Variants in CTNND2 observed in about 807,000 individuals in gnomAD.
CTNND2 encodes catenin delta 2, also known as catenin delta-2.
Under a neutral mutation model 144.4 loss-of-function variants are expected in CTNND2, and 22 were observed. The ratio of observed to expected loss-of-function variants is 0.15; its 90% confidence interval spans 0.11 to 0.22. The LOEUF is 0.22. CTNND2 is among the 10% of genes least tolerant of loss of function. The pLI is 1.00. For missense variants in CTNND2, 1,353 were observed against 1,618.8 expected, an observed-to-expected ratio of 0.84 and a Z score of 2.82; for synonymous variants, 751 against 695.6, an observed-to-expected ratio of 1.08 and a Z score of -1.25.
intron 11 of CTNND2, among the ~76,000 whole-genome samples, chr5:11,163,256 G>A (rs1758974341): frequency 6.6e-6 from 1 of 152,234 alleles, no homozygotes; most frequent in African/African-American, 2.4e-5. Context: ...GTTATTTGAG[G>A]GGAAGCCAAT....
intron 3 of CTNND2, among the ~76,000 whole-genome samples, chr5:11,476,165 C>A (rs982486517): frequency 1.3e-5 from 2 of 151,944 alleles, no homozygotes; most frequent in Non-Finnish European, 2.9e-5. Context: ...ACCACTGCAC[C>A]CAGCCGGGAC....
At chr5:11,541,751 A>G (rs1001955086) in intron 3 of CTNND2, among the ~76,000 whole-genome samples, 2 of 152,002 alleles carry the variant, frequency 1.3e-5, no homozygotes, top group Admixed American at 6.5e-5. Context: ...ATCCAAATGC[A>G]TATCAGACCC....
At chr5:11,436,216 T>C (rs1453095931) in intron 3 of CTNND2, among the ~76,000 whole-genome samples, 2 of 151,884 alleles carry the variant, frequency 1.3e-5, no homozygotes, top group Non-Finnish European at 2.9e-5. Context: ...GGGAGAAAGA[T>C]TCACCCATTA....
intron 14 of CTNND2, among the ~76,000 whole-genome samples, chr5:11,103,117 G>T (rs1471056589): frequency 6.6e-6 from 1 of 151,402 alleles, no homozygotes; most frequent in Non-Finnish European, 1.5e-5. Flanking sequence ...GAGTAGCTGG[G>T]ATTACAGGTG....
chr5:11,869,894 A>T (rs1795948288), intron 1 of CTNND2, among the ~76,000 whole-genome samples: 1 of 152,222 alleles, frequency 6.6e-6, no homozygotes, highest in African/African-American at 2.4e-5. Context: ...GCAAAAAAAT[A>T]AGGAAGCAAG....
intron 7 of CTNND2, among the ~76,000 whole-genome samples, chr5:11,376,686 A>G (rs1040172658): frequency 6.6e-6 from 1 of 152,198 alleles, no homozygotes; most frequent in African/African-American, 2.4e-5. Flanking sequence ...CATCTATAAC[A>G]GAAGTCTAGA....
intron 16 of CTNND2, among the ~76,000 whole-genome samples, chr5:11,049,257 G>A (rs1024985528): frequency 6.6e-6 from 1 of 152,128 alleles, no homozygotes; most frequent in Admixed American, 6.5e-5. Flanking sequence ...CTCCTGGAAC[G>A]TCATGCCTCA....
intron 2 of CTNND2, among the ~76,000 whole-genome samples, chr5:11,704,331 C>T (rs1785595250): frequency 6.6e-6 from 1 of 152,184 alleles, no homozygotes; most frequent in African/African-American, 2.4e-5. Context: ...CAGATGCCTA[C>T]CTAATGAGAG....
intron 8 of CTNND2, among the ~76,000 whole-genome samples, chr5:11,364,214 A>G (rs1756742067): frequency 6.6e-6 from 1 of 152,212 alleles, no homozygotes; most frequent in African/African-American, 2.4e-5. Context: ...TTGTGATTCA[A>G]TCTATTAGTG....
At chr5:11,513,795 G>A (rs762588971) in intron 3 of CTNND2, among the ~76,000 whole-genome samples, 14 of 152,086 alleles carry the variant, frequency 9.2e-5, no homozygotes, top group Non-Finnish European at 1.8e-4. Flanking sequence ...TATATAGTAT[G>A]TGTGGTCTAG....
chr5:11,812,510 T>A (rs141755580), intron 1 of CTNND2, among the ~76,000 whole-genome samples: 176 of 152,278 alleles, frequency 1.2e-3, no homozygotes, highest in Middle Eastern at 6.8e-3. Flanking sequence ...ATCCCATTTG[T>A]TAATGGCCAT....
At position 11,206,523 on chromosome 5, in the gene CTNND2, G is replaced by A. The variant is rs575734026; in HGVS notation, c.1762-6862C>T. Reference sequence around the variant, plus strand: ...AAATGTGATCTTGATAAGTCTAATGGTTTCTATCACTTCGTGTAAATTTTG... The same window carrying A: ...AAATGTGATCTTGATAAGTCTAATGATTTCTATCACTTCGTGTAAATTTTG... On this transcript the variant is annotated intron_variant, in intron 10 of 21. Coordinates refer to ENST00000304623, the MANE Select transcript of CTNND2 (RefSeq NM_001332.4). Among the ~76,000 whole-genome samples, 27 of 152,174 alleles carry A rather than the reference G, an allele frequency of 1.8e-4. No homozygotes were observed. In the South Asian group the frequency reaches 4.6e-3, roughly 26 times the overall value.
intron 9 of CTNND2, among the ~76,000 whole-genome samples, chr5:11,256,564 A>G (rs941141905): frequency 1.9e-4 from 29 of 152,250 alleles, no homozygotes; most frequent in Admixed American, 1.8e-3. Context: ...CTATTCCAAG[A>G]TAAAGTCATC....
At chr5:11,723,136 A>T (rs1786780226) in intron 2 of CTNND2, among the ~76,000 whole-genome samples, 2 of 152,212 alleles carry the variant, frequency 1.3e-5, no homozygotes, top group African/African-American at 2.4e-5. Flanking sequence ...ATAATTGTAT[A>T]CAAACAAAAA....
At chr5:11,766,021 T>C (rs987482168) in intron 1 of CTNND2, among the ~76,000 whole-genome samples, 2 of 152,194 alleles carry the variant, frequency 1.3e-5, no homozygotes, top group African/African-American at 2.4e-5. Context: ...ATGTTCAATT[T>C]TGGGAAATCT....
At chr5:11,695,040 G>A (rs919555254) in intron 2 of CTNND2, among the ~76,000 whole-genome samples, 3 of 151,984 alleles carry the variant, frequency 2.0e-5, no homozygotes, top group Non-Finnish European at 2.9e-5. Flanking sequence ...TAGGGTTATC[G>A]AACAGTTAGA....
At chr5:11,360,854 C>A (rs1279695571) in intron 8 of CTNND2, among the ~76,000 whole-genome samples, 1 of 152,160 alleles carries the variant, frequency 6.6e-6, no homozygotes, top group Non-Finnish European at 1.5e-5. Context: ...GTACATCTAG[C>A]ACACAGAGTA....
intron 1 of CTNND2, among the ~76,000 whole-genome samples, chr5:11,796,697 G>A (rs1399523110): frequency 6.6e-6 from 1 of 152,074 alleles, no homozygotes; most frequent in African/African-American, 2.4e-5. Context: ...ATATGACTTA[G>A]GGCTGTTTAT....
At chr5:11,764,075 AG>A (rs1436913529) in intron 1 of CTNND2, among the ~76,000 whole-genome samples, 8 of 152,276 alleles carry the variant, frequency 5.3e-5, no homozygotes, top group South Asian at 2.1e-4. Flanking sequence ...GTGTAATCAC[AG>A]GGTCCTTATA....
Sources: allele counts gnomAD v4.1 joint callset (sites outside exome capture counted in the v4.1 genomes callset), GRCh38; gene constraint gnomAD v4.1.1; transcripts MANE v1.5; gene names NCBI Gene and HGNC (gene_info 2026-07-23, HGNC 2026-07-21).